The following RANBP2 variants were observed in gnomAD, a reference collection of about 807,000 sequenced individuals.
RANBP2 encodes E3 SUMO-protein ligase RanBP2.
RANBP2 carries 57 observed loss-of-function variants against 303.6 expected under a neutral mutation model. The observed-to-expected ratio is 0.19, with a 90% CI of 0.15 to 0.23. The LOEUF is 0.23. Ranked by LOEUF, RANBP2 falls within the 10% of genes least tolerant of loss-of-function variation. The pLI is 1.00. For missense variants in RANBP2, 3,138 were observed against 3,780.8 expected (o/e 0.83, Z 4.46); for synonymous variants, 1,167 against 1,301.5 (o/e 0.90, Z 2.23).
chr2:109,440,313 C>T, the RANBP2 span, among the ~76,000 whole-genome samples: 3 of 152,090 alleles, frequency 2.0e-5, no homozygotes, highest in South Asian at 2.1e-4. Context: ...CTTGGGCCGC[C>T]GAGGCCAGGG....
the RANBP2 span, among the ~76,000 whole-genome samples, chr2:109,453,177 C>G: frequency 6.6e-6 from 1 of 152,156 alleles, no homozygotes; most frequent in Non-Finnish European, 1.5e-5. Context: ...GAGCTCCTCT[C>G]TGGGCCCAGG....
At chr2:109,301,996 G>A in the RANBP2 span, among the ~76,000 whole-genome samples, 3 of 152,184 alleles carry the variant, frequency 2.0e-5, no homozygotes, top group African/African-American at 7.2e-5. Flanking sequence ...CAGCATCTTC[G>A]TTGTGTGACT....
the RANBP2 span, among the ~76,000 whole-genome samples, chr2:109,494,092 T>G: frequency 6.6e-6 from 1 of 152,338 alleles, no homozygotes; most frequent in South Asian, 2.1e-4. Flanking sequence ...GCTGTTCTCA[T>G]GTCTCCCCTA....
chr2:108,968,148 CA>C, the RANBP2 span, among the ~76,000 whole-genome samples: 1 of 152,094 alleles, frequency 6.6e-6, no homozygotes, highest in Non-Finnish European at 1.5e-5. Flanking sequence ...AAGGCGCCGT[CA>C]TTGTTCTCAC....
the RANBP2 span, among the ~76,000 whole-genome samples, chr2:109,017,637 C>CT: frequency 1.3e-5 from 2 of 152,114 alleles, no homozygotes; most frequent in African/African-American, 2.4e-5. Context: ...TTTCCAATCT[C>CT]TTTTTTGTAA....
At chr2:109,322,833 G>A in the RANBP2 span, among the ~76,000 whole-genome samples, 1 of 152,158 alleles carries the variant, frequency 6.6e-6, no homozygotes, top group Non-Finnish European at 1.5e-5. Flanking sequence ...CCCACATCAG[G>A]ATATGGGCAG....
chr2:109,447,158 AAAAAAAAAAAG>A, the RANBP2 span, among the ~76,000 whole-genome samples: 1 of 149,914 alleles, frequency 6.7e-6, no homozygotes, highest in Non-Finnish European at 1.5e-5. Flanking sequence ...AAAAAAAAAA[AAAAAAAAAAAG>A]AAAAGAAAAA....
the RANBP2 span, among the ~76,000 whole-genome samples, chr2:109,155,568 T>C: frequency 7.9e-5 from 12 of 152,212 alleles, no homozygotes; most frequent in Non-Finnish European, 1.5e-4. Context: ...CCCAAAGTGC[T>C]GGGATTACAG....
chr2:108,948,223 T>C, the RANBP2 span, among the ~76,000 whole-genome samples: 1 of 152,232 alleles, frequency 6.6e-6, no homozygotes, highest in African/African-American at 2.4e-5. Context: ...CTCATCTCCA[T>C]CTGAGACCAC....
chr2:109,031,702 T>C, the RANBP2 span, among the ~76,000 whole-genome samples: 43 of 152,306 alleles, frequency 2.8e-4, no homozygotes, highest in African/African-American at 1.0e-3. Context: ...GGCCGGGCTC[T>C]GCCGGTGGCA....
rs757493880 is a variant in RANBP2 at position 108,766,518 on chromosome 2, C to A, written c.5979C>A (p.Ser1993=). ...YGKMANKANT[S]GDFEKDDDAY... ...AAATGGCCAATAAAGCAAACACTTC[C>A]GGTGACTTTGAGAAAGATGATGATG... Residue 1993 remains serine, a synonymous_variant, in exon 20 of 29, where the codon TCC becomes TCA. Transcript: ENST00000283195. 1.9e-6 allele frequency: 3 copies of A among 1,611,894 alleles called. No individual in the cohort carries two copies. The South Asian group carries it at 3.3e-5, about 18-fold the overall frequency.
At chr2:108,762,301 C>G in intron 19 of RANBP2, 106 bp downstream of exon 19, 7 of 1,116,818 alleles carry the variant, frequency 6.3e-6, no homozygotes, top group Non-Finnish European at 8.4e-6. Context: ...ACTTTTATGT[C>G]CCTTAAAATG....
the RANBP2 span, among the ~76,000 whole-genome samples, chr2:109,286,904 G>A: frequency 6.6e-6 from 1 of 152,192 alleles, no homozygotes; most frequent in Admixed American, 6.5e-5. Context: ...AGTCAATGCT[G>A]TGAGTCTGCA....
rs951606492 is a variant in RANBP2, at chr2:108,766,074, C to T, written c.5535C>T (p.Phe1845=). The change falls in exon 20 of 29, where the codon TTC becomes TTT. Residue 1845 remains phenylalanine, a synonymous_variant. Coordinates refer to ENST00000283195, the MANE Select transcript of RANBP2 (RefSeq NM_006267.5). The part of the protein sequence containing the change: ...SQVGTGFKSN[F]SEKASKFGNT... The stretch of plus-strand genomic sequence containing the variant: ...TGGGAACAGGATTTAAAAGTAATTT[C>T]TCAGAAAAAGCTTCTAAGTTTGGCA... 5 of 1,614,152 alleles carry T rather than the reference C, an allele frequency of 3.1e-6. No individual in the cohort carries two copies. Among genetic ancestry groups the T allele is most frequent in the Non-Finnish European group, 4.2e-6 (5 of 1,180,016 alleles).
At chr2:109,216,428 A>C in the RANBP2 span, among the ~76,000 whole-genome samples, 1 of 152,254 alleles carries the variant, frequency 6.6e-6, no homozygotes, top group South Asian at 2.1e-4. Context: ...CAGAGGAGGA[A>C]CCTGAGTCCA....
chr2:109,387,268 TCACCTGTGCAA>T, the RANBP2 span, among the ~76,000 whole-genome samples: 1 of 152,226 alleles, frequency 6.6e-6, no homozygotes, highest in East Asian at 1.9e-4. Flanking sequence ...TCCAAGTGCC[TCACCTGTGCAA>T]CCTTTTCTCA....
At chr2:108,849,914 C>T in the RANBP2 span, among the ~76,000 whole-genome samples, 3 of 152,156 alleles carry the variant, frequency 2.0e-5, no homozygotes, top group Admixed American at 1.3e-4. Context: ...GTGTTCTCTC[C>T]AGTAGCTGCA....
At chr2:109,389,889 G>A in the RANBP2 span, among the ~76,000 whole-genome samples, 942 of 152,270 alleles carry the variant, frequency 6.2e-3, 8 homozygotes, top group Non-Finnish European at 0.011. Flanking sequence ...CCGGCCCTGG[G>A]AGCTCTTTGG....
At chr2:109,228,276 G>T in the RANBP2 span, among the ~76,000 whole-genome samples, 1 of 152,142 alleles carries the variant, frequency 6.6e-6, no homozygotes, top group Non-Finnish European at 1.5e-5. Flanking sequence ...TCCCCCAAAG[G>T]CTTTTATTGT....
Sources: gnomAD v4.1 joint callset for allele counts (sites outside exome capture counted in the v4.1 genomes callset) on GRCh38, gnomAD v4.1.1 for gene constraint, MANE v1.5 for transcripts, NCBI Gene and HGNC (gene_info 2026-07-23, HGNC 2026-07-21) for gene names.